Variants in SLC13A1 observed in about 807,000 individuals in gnomAD.
SLC13A1 encodes the protein solute carrier family 13 member 1.
A neutral mutation model predicts 70.0 loss-of-function variants in SLC13A1; 65 were observed. The observed-to-expected ratio is 0.93, with a 90% CI of 0.76 to 1.14. The LOEUF (loss-of-function observed/expected upper bound fraction) is 1.14, where lower values mean the gene tolerates loss of function less well. Ranked by LOEUF, SLC13A1 falls within the 50% of genes most tolerant of loss-of-function variation. The pLI, the probability that SLC13A1 is intolerant of heterozygous loss-of-function variation, is 0.00. For synonymous variants in SLC13A1, 275 were observed against 250.5 expected (o/e 1.10, Z -0.92); for missense variants, 726 against 717.8 (o/e 1.01, Z -0.13).
intron 3 of SLC13A1, among the ~76,000 whole-genome samples, chr7:123,170,582 C>T (rs1265079091): frequency 1.3e-5 from 2 of 152,038 alleles, no homozygotes; most frequent in African/African-American, 4.8e-5. Flanking sequence ...GCATGGAGCC[C>T]CACTTCATTT....
rs779695037 is a variant in SLC13A1, at chr7:123,117,489, A to T, written c.1632T>A (p.His544Gln). 8 of 1,613,258 alleles carry T rather than the reference A, an allele frequency of 5.0e-6. No homozygotes were observed. The highest frequency in any genetic ancestry group is 5.9e-6 in the Non-Finnish European group (7 of 1,179,584). Reference sequence around the variant, plus strand: ...AACTCACCATGTCAATGACTTTCAGATGACCATATGAAAAGACAATAGCAT... The same window carrying T: ...AACTCACCATGTCAATGACTTTCAGTTGACCATATGAAAAGACAATAGCAT... ...PPNAIVFSYG[H>Q]LKVIDMVKAG... The change falls in exon 14 of 15, where the codon CAT becomes CAA. Residue 544 changes from histidine to glutamine, a missense_variant. Transcript: ENST00000194130.
intron 3 of SLC13A1, among the ~76,000 whole-genome samples, chr7:123,169,544 T>G (rs1795194872): frequency 1.3e-5 from 2 of 152,206 alleles, no homozygotes; most frequent in South Asian, 4.1e-4. Context: ...AGTGGAGTTC[T>G]TAAGAGATTT....
chr7:123,169,000 G>A (rs1795164863), intron 4 of SLC13A1, 148 bp downstream of exon 4: 5 of 666,350 alleles, frequency 7.5e-6, no homozygotes, highest in Middle Eastern at 7.5e-4. Flanking sequence ...AACTATTTTT[G>A]TAGATACTGA....
chr7:123,150,039 G>A (rs1376912522), intron 6 of SLC13A1, among the ~76,000 whole-genome samples: 1 of 152,124 alleles, frequency 6.6e-6, no homozygotes, highest in Non-Finnish European at 1.5e-5. Context: ...GCCAGCTACT[G>A]TTGTTAAAAA....
chr7:123,171,815 CT>C lies in SLC13A1; in HGVS notation c.317del (p.Lys106ArgfsTer5). The C allele has an allele frequency of 6.2e-7, 1 of 1,613,878 alleles. No individual in the cohort carries two copies. The highest frequency in any genetic ancestry group is 8.5e-7 in the Non-Finnish European group (1 of 1,179,892). ...TCATCACCATTTTCAGAGCAATTCT[CT>C]TGTGCAAATTCCATTTTTCTATGGA... is the stretch of plus-strand genomic sequence containing the variant. ...ATSIEKWNLHKRIALKMVMMV... is the reference protein window; with the variant it reads ...ATSIEKWNLHXRIALKMVMMV... On this transcript the variant is annotated frameshift_variant, in exon 3 of 15. Transcript: ENST00000194130. LOFTEE classifies it high-confidence loss of function.
At chr7:123,151,762 C>T (rs572088223) in intron 6 of SLC13A1, among the ~76,000 whole-genome samples, 1 of 152,208 alleles carries the variant, frequency 6.6e-6, no homozygotes, top group East Asian at 1.9e-4. Context: ...CTCATACTCT[C>T]AGCCACTTTG....
chr7:123,189,356 G>C (rs1424626849), intron 1 of SLC13A1, among the ~76,000 whole-genome samples: 2 of 151,894 alleles, frequency 1.3e-5, no homozygotes, highest in Non-Finnish European at 2.9e-5. Context: ...AGACACATAA[G>C]CTTCTGGTCT....
chr7:123,118,890 A>C (rs1469158045), intron 13 of SLC13A1, among the ~76,000 whole-genome samples, 191 bp downstream of exon 13: 1 of 152,086 alleles, frequency 6.6e-6, no homozygotes, highest in Non-Finnish European at 1.5e-5. Flanking sequence ...TTGAACATGA[A>C]AACTTAAAAA....
chr7:123,142,111 T>G (rs149948578), intron 7 of SLC13A1, among the ~76,000 whole-genome samples: 1 of 152,208 alleles, frequency 6.6e-6, no homozygotes, highest in East Asian at 1.9e-4. Flanking sequence ...GGGTAAGGCT[T>G]GATGTTCTAA....
At chr7:123,117,978 TAATA>T (rs1302536586) in intron 13 of SLC13A1, among the ~76,000 whole-genome samples, 1 of 151,316 alleles carries the variant, frequency 6.6e-6, no homozygotes, top group Non-Finnish European at 1.5e-5. Flanking sequence ...TTATAATATA[TAATA>T]AATGTCACAT....
chr7:123,141,603 G>A (rs1794148045), intron 7 of SLC13A1, among the ~76,000 whole-genome samples: 1 of 151,834 alleles, frequency 6.6e-6, no homozygotes, highest in Non-Finnish European at 1.5e-5. Context: ...ATACCTGGGA[G>A]CTCCCATGTT....
intron 12 of SLC13A1, among the ~76,000 whole-genome samples, chr7:123,120,127 C>A (rs2116258978): frequency 6.6e-6 from 1 of 152,118 alleles, no homozygotes; most frequent in African/African-American, 2.4e-5. Flanking sequence ...CTTAGTTTCC[C>A]TTTAAATCTA....
Position 123,168,691 on chromosome 7 carries a change from C to T in SLC13A1, c.554-130G>A, listed in dbSNP as rs28364234. The T allele has an allele frequency of 2.8e-3, 1,818 of 642,188 alleles. 17 individuals carry two copies. The highest frequency in any genetic ancestry group is 0.019 in the Admixed American group (611 of 32,938). The allele number at this position is 642,188 out of a possible 1,614,324, so 39.8% of individuals were successfully genotyped here. On this transcript the variant is annotated intron_variant, in intron 4 of 14. Transcript: ENST00000194130. The stretch of plus-strand genomic sequence containing the variant: ...AAAAATTCACTGTGTACTAACATAA[C>T]AGTCATCTTATTTTATAAATACAAA...
chr7:123,139,971 G>A (rs2116372037), intron 7 of SLC13A1, among the ~76,000 whole-genome samples: 1 of 152,016 alleles, frequency 6.6e-6, no homozygotes, highest in African/African-American at 2.4e-5. Flanking sequence ...GTTGAAAGTG[G>A]GCATCATTTT....
At position 123,129,495 on chromosome 7, in the gene SLC13A1, T is replaced by C; in HGVS notation, c.933-14A>G. 6.2e-7 allele frequency: 1 copy of C among 1,603,630 alleles called. No homozygotes were observed. Among genetic ancestry groups the C allele is most frequent in the South Asian group, 1.1e-5 (1 of 90,784 alleles). ...ATCTCCTTAAAACTGCAAAGAATAA[T>C]TAAGCCTGTAAGCAAGAAATTCTTT... On this transcript the variant is annotated splice_polypyrimidine_tract_variant and intron_variant, in intron 8 of 14. Coordinates refer to ENST00000194130, the MANE Select transcript of SLC13A1 (RefSeq NM_022444.4).
intron 6 of SLC13A1, among the ~76,000 whole-genome samples, chr7:123,149,287 G>A (rs1286446691): frequency 6.6e-6 from 1 of 152,166 alleles, no homozygotes; most frequent in Non-Finnish European, 1.5e-5. Flanking sequence ...GTCAGTGACA[G>A]TGCAGCTGAA....
intron 6 of SLC13A1, among the ~76,000 whole-genome samples, chr7:123,160,636 T>G (rs543246786): frequency 6.6e-6 from 1 of 152,292 alleles, no homozygotes; most frequent in East Asian, 1.9e-4. Context: ...TAGTTAAAAA[T>G]GTACAATTTG....
chr7:123,197,039 T>C (rs1238123048), intron 1 of SLC13A1, among the ~76,000 whole-genome samples: 1 of 152,086 alleles, frequency 6.6e-6, no homozygotes, highest in African/African-American at 2.4e-5. Context: ...ATAAGATAAT[T>C]TGGGGAAAGC....
chr7:123,130,209 A>T lies in SLC13A1; in HGVS notation c.933-728T>A, dbSNP rs141347669. On this transcript the variant is annotated intron_variant, in intron 8 of 14. Transcript: ENST00000194130. Reference sequence around the variant, plus strand: ...TACCATTTGACCCAGCAATCCCATTACTTGGTATATACCCAAAGGAATATA... The same window carrying T: ...TACCATTTGACCCAGCAATCCCATTTCTTGGTATATACCCAAAGGAATATA... 2.1e-4 allele frequency among the ~76,000 whole-genome samples: 32 copies of T among 152,306 alleles called. 1 individual carries two copies. The East Asian group carries it at 6.2e-3, about 29-fold the overall frequency.
Sources: gnomAD v4.1 joint callset for allele counts (sites outside exome capture counted in the v4.1 genomes callset) on GRCh38, gnomAD v4.1.1 for gene constraint, MANE v1.5 for transcripts, NCBI Gene and HGNC (gene_info 2026-07-23, HGNC 2026-07-21) for gene names.